Variants in CENPC observed in about 807,000 individuals in gnomAD.
CENPC encodes the protein centromere protein C, also known as CENP-C 1.
A neutral mutation model predicts 112.1 loss-of-function variants in CENPC; 63 were observed. That is an observed-to-expected ratio of 0.56 (90% CI 0.46 to 0.69). The LOEUF (loss-of-function observed/expected upper bound fraction) is 0.69. CENPC is among the 30% of genes least tolerant of loss of function. The pLI is 0.00. For missense variants in CENPC, 1,000 were observed against 1,103.8 expected (o/e 0.91, Z 1.33); for synonymous variants, 333 against 367.6 (o/e 0.91, Z 1.08).
At chr4:67,483,207 G>C (rs1297071041) in intron 17 of CENPC, among the ~76,000 whole-genome samples, 1 of 152,006 alleles carries the variant, frequency 6.6e-6, no homozygotes, top group Non-Finnish European at 1.5e-5. Context: ...GTTCTTTATA[G>C]GAGTATGAGA....
At chr4:67,531,589 T>A (rs1192356224) in intron 4 of CENPC, among the ~76,000 whole-genome samples, 1 of 152,186 alleles carries the variant, frequency 6.6e-6, no homozygotes, top group Admixed American at 6.5e-5. Context: ...TGGGAGTGCG[T>A]AAAATTTTGG....
At chr4:67,520,886 C>T (rs1726206171) in intron 5 of CENPC, among the ~76,000 whole-genome samples, 1 of 152,020 alleles carries the variant, frequency 6.6e-6, no homozygotes, top group Non-Finnish European at 1.5e-5. Flanking sequence ...GTGGCACATG[C>T]CTGTAATCCC....
intron 2 of CENPC, among the ~76,000 whole-genome samples, chr4:67,541,511 T>C (rs1448835774): frequency 6.6e-6 from 1 of 152,202 alleles, no homozygotes; most frequent in Non-Finnish European, 1.5e-5. Context: ...AAAAATTATA[T>C]TGAGCTTGTA....
chr4:67,482,754 G>A (rs906312179), intron 17 of CENPC, among the ~76,000 whole-genome samples: 3 of 152,182 alleles, frequency 2.0e-5, no homozygotes, highest in Admixed American at 1.3e-4. Context: ...GGGGAAGGGT[G>A]GGAGGAGGAG....
intron 5 of CENPC, among the ~76,000 whole-genome samples, chr4:67,523,419 A>G (rs1726287354): frequency 6.6e-6 from 1 of 152,228 alleles, no homozygotes; most frequent in East Asian, 1.9e-4. Flanking sequence ...TGAGTCAACA[A>G]TTCTGACACT....
At chr4:67,520,574 GACATCAAAA>G (rs1726196071) in intron 5 of CENPC, among the ~76,000 whole-genome samples, 1 of 152,102 alleles carries the variant, frequency 6.6e-6, no homozygotes, top group South Asian at 2.1e-4. Context: ...AGTGAACATG[GACATCAAAA>G]GGCATCTTCT....
intron 11 of CENPC, among the ~76,000 whole-genome samples, chr4:67,506,563 G>C (rs1179209995): frequency 6.6e-6 from 1 of 152,122 alleles, no homozygotes; most frequent in Non-Finnish European, 1.5e-5. Context: ...TCCAGTTCCA[G>C]ACAAGACTTT....
intron 7 of CENPC, among the ~76,000 whole-genome samples, chr4:67,515,979 A>G (rs1282634791): frequency 6.6e-6 from 1 of 152,046 alleles, no homozygotes; most frequent in African/African-American, 2.4e-5. Context: ...TATATCATGA[A>G]TATTATTGTT....
At position 67,519,494 on chromosome 4, in the gene CENPC, G is replaced by T. The variant is rs992091366; in HGVS notation, c.340C>A (p.His114Asn). The T allele has an allele frequency of 6.5e-7, 1 of 1,545,344 alleles. No individual in the cohort carries two copies. The highest frequency in any genetic ancestry group is 8.8e-7 in the Non-Finnish European group (1 of 1,142,594). Residue 114 changes from histidine to asparagine, a missense_variant, in exon 6 of 19, where the codon CAT becomes AAT. Coordinates refer to ENST00000273853, the MANE Select transcript of CENPC (RefSeq NM_001812.4). ...SEATNRSVQA[H>N]EVHQKILATD... ...GCCAGAATTTTCTGATGAACTTCAT[G>T]GGCCTGAACTAGAAGAAAATTATAT...
chr4:67,508,866 A>G lies in CENPC; in HGVS notation c.1852T>C (p.Leu618=), dbSNP rs1240569550. ...GCCAAGTCTGCCTCATCACTTTCCA[A>G]TGGCTCACTCAGCGAACATCTGGAA... ...EISRCSLSEP[L]ESDEADLAKK... The change falls in exon 10 of 19, where the codon TTG becomes CTG. Residue 618 remains leucine, a synonymous_variant. Coordinates refer to ENST00000273853, the MANE Select transcript of CENPC (RefSeq NM_001812.4). The G allele has an allele frequency of 6.2e-7, 1 of 1,613,624 alleles. No homozygotes were observed. The highest frequency in any genetic ancestry group is 1.7e-5 in the Admixed American group (1 of 59,906).
At chr4:67,486,649 G>A (rs1725101927) in intron 17 of CENPC, among the ~76,000 whole-genome samples, 1 of 152,198 alleles carries the variant, frequency 6.6e-6, no homozygotes, top group Non-Finnish European at 1.5e-5. Context: ...CTAATGAGTA[G>A]AGGCCAGGTA....
At chr4:67,492,695 TA>T in intron 15 of CENPC, 173 bp downstream of exon 15, 1 of 1,082,712 alleles carries the variant, frequency 9.2e-7, no homozygotes, top group Non-Finnish European at 1.2e-6. Flanking sequence ...TTTTTAAGAA[TA>T]AAATTAGCTT....
intron 5 of CENPC, 79 bp downstream of exon 5, chr4:67,530,736 A>C (rs1469259018): frequency 1.6e-5 from 10 of 624,316 alleles, no homozygotes; most frequent in African/African-American, 1.5e-4. Flanking sequence ...CTTCATACTC[A>C]AAGCAACACA....
At chr4:67,507,110 C>T (rs1725758577) in intron 10 of CENPC, among the ~76,000 whole-genome samples, 176 bp from the exon 11 acceptor site, 1 of 152,114 alleles carries the variant, frequency 6.6e-6, no homozygotes, top group African/African-American at 2.4e-5. Context: ...GTTTCTAGGA[C>T]CTACCAAGAG....
At position 67,519,450 on chromosome 4, in the gene CENPC, T is replaced by C. The variant is rs748146729; in HGVS notation, c.384A>G (p.Lys128=). The C allele has an allele frequency of 6.2e-7, 1 of 1,607,214 alleles. No individual in the cohort carries two copies. Among genetic ancestry groups the C allele is most frequent in the Admixed American group, 1.7e-5 (1 of 59,538 alleles). Residue 128 remains lysine, a synonymous_variant, in exon 6 of 19, where the codon AAA becomes AAG. Coordinates refer to ENST00000273853, the MANE Select transcript of CENPC (RefSeq NM_001812.4). ...ATATTTTTTTCGAGTCAGGTGTATT[T>C]TTGGAACTAACATCAGTTGCCAGAA... The part of the protein sequence containing the change: ...QKILATDVSS[K]NTPDSKKISS...
At chr4:67,475,754 G>A (rs778385857) in intron 17 of CENPC, among the ~76,000 whole-genome samples, 38 of 152,182 alleles carry the variant, frequency 2.5e-4, no homozygotes, top group African/African-American at 5.3e-4. Flanking sequence ...GCCCGCCATC[G>A]CGCCTGGCTA....
At position 67,506,884 on chromosome 4, in the gene CENPC, A is replaced by G. The variant is rs1725749083; in HGVS notation, c.1955T>C (p.Val652Ala). 6.2e-7 allele frequency: 1 copy of G among 1,612,408 alleles called. No individual in the cohort carries two copies. The highest frequency in any genetic ancestry group is 8.5e-7 in the Non-Finnish European group (1 of 1,178,884). ...NEDNIMTAQN[V>A]PLKPQTSGYT... ...TCCACTGGTCTGAGGCTTTAGGGGA[A>G]CATTCTGTGCAGTCATAATGTTATC... is the stretch of plus-strand genomic sequence containing the variant. The change falls in exon 11 of 19, where the codon GTT becomes GCT. Residue 652 changes from valine (V) to alanine (A), a missense_variant. Physicochemically the swap from Val to Ala is moderately conservative, Grantham distance 64 (BLOSUM62 0). Coordinates refer to ENST00000273853, the MANE Select transcript of CENPC (RefSeq NM_001812.4).
At chr4:67,474,085 G>A (rs1186112236) in intron 18 of CENPC, among the ~76,000 whole-genome samples, 1 of 148,974 alleles carries the variant, frequency 6.7e-6, no homozygotes, top group Non-Finnish European at 1.5e-5. Flanking sequence ...TTTTTTTTGA[G>A]ACCGAGTCTC....
intron 17 of CENPC, among the ~76,000 whole-genome samples, chr4:67,481,620 T>C (rs1282429422): frequency 6.6e-6 from 1 of 152,162 alleles, no homozygotes; most frequent in Non-Finnish European, 1.5e-5. Flanking sequence ...CCAACTGATC[T>C]TCAACAAAGC....
Sources: gnomAD v4.1 joint callset for allele counts (sites outside exome capture counted in the v4.1 genomes callset) on GRCh38, gnomAD v4.1.1 for gene constraint, MANE v1.5 for transcripts, NCBI Gene and HGNC (gene_info 2026-07-23, HGNC 2026-07-21) for gene names.